The following GRID2 variants were observed in gnomAD, a reference collection of about 807,000 sequenced individuals.
GRID2 encodes the protein glutamate ionotropic receptor delta type subunit 2.
In GRID2, 33 loss-of-function variants were observed where a neutral mutation model predicts 114.8. The ratio of observed to expected loss-of-function variants is 0.29; its 90% confidence interval spans 0.22 to 0.38. The LOEUF (loss-of-function observed/expected upper bound fraction) is 0.38, where lower values mean the gene tolerates loss of function less well. GRID2 is among the 10% of genes least tolerant of loss of function. The probability of loss-of-function intolerance (pLI) is 1.00; values close to 1 mark genes in which losing one functional copy is unlikely to be tolerated. For synonymous variants in GRID2, 505 were observed against 449.9 expected (o/e 1.12, Z -1.55); for missense variants, 1,184 against 1,257.7 (o/e 0.94, Z 0.89).
At chr4:93,809,043 G>A (rs964894575) in exon 2 of GRID2, 1 of 152,126 alleles carries the variant, frequency 6.6e-6, no homozygotes, top group Non-Finnish European at 1.5e-5. Flanking sequence ...TTACTTCTCT[G>A]ATTTTTGATT....
intron 2 of GRID2, among the ~76,000 whole-genome samples, chr4:92,977,146 G>A (rs1318122073): frequency 6.6e-6 from 1 of 152,120 alleles, no homozygotes; most frequent in Non-Finnish European, 1.5e-5. Flanking sequence ...AATATATTTG[G>A]AAGATAATTA....
chr4:92,807,835 G>C (rs1378217049), intron 2 of GRID2, among the ~76,000 whole-genome samples: 1 of 151,956 alleles, frequency 6.6e-6, no homozygotes, highest in Non-Finnish European at 1.5e-5. Context: ...GTATGTGTCT[G>C]TCTATGTATT....
chr4:92,563,783 T>G (rs1727213113), intron 1 of GRID2, among the ~76,000 whole-genome samples: 1 of 152,098 alleles, frequency 6.6e-6, no homozygotes, highest in Non-Finnish European at 1.5e-5. Context: ...TTCTGTATCT[T>G]CCTTCTAGTT....
At chr4:92,384,480 T>TATATATATA (rs1560598769) in intron 1 of GRID2, among the ~76,000 whole-genome samples, 3 of 54,026 alleles carry the variant, frequency 5.6e-5, no homozygotes, top group Non-Finnish European at 9.5e-5. Context: ...ATATATATAT[T>TATATATATA]ATTTATATAT....
intron 13 of GRID2, among the ~76,000 whole-genome samples, chr4:93,611,983 A>G (rs1326741590): frequency 6.7e-6 from 1 of 148,986 alleles, no homozygotes; most frequent in East Asian, 2.0e-4. Flanking sequence ...GACTTGCTTT[A>G]TGAATCTGGG....
At chr4:92,639,326 A>T (rs1002882018) in intron 2 of GRID2, among the ~76,000 whole-genome samples, 1 of 151,876 alleles carries the variant, frequency 6.6e-6, no homozygotes, top group Non-Finnish European at 1.5e-5. Context: ...AAGATACATT[A>T]GGTCTCATAT....
At chr4:93,679,883 C>T (rs570615474) in intron 14 of GRID2, among the ~76,000 whole-genome samples, 1 of 150,868 alleles carries the variant, frequency 6.6e-6, no homozygotes, top group Non-Finnish European at 1.5e-5. Context: ...AAAGCAAGAG[C>T]AAACACATTC....
At chr4:92,956,775 A>T (rs1752439382) in intron 2 of GRID2, among the ~76,000 whole-genome samples, 1 of 152,206 alleles carries the variant, frequency 6.6e-6, no homozygotes, top group Non-Finnish European at 1.5e-5. Flanking sequence ...CCCAGTGGTA[A>T]TGAATGAAAG....
intron 4 of GRID2, among the ~76,000 whole-genome samples, chr4:93,113,572 G>A (rs1732970217): frequency 6.6e-6 from 1 of 152,198 alleles, no homozygotes; most frequent in South Asian, 2.1e-4. Context: ...CTAGGCACTA[G>A]CGATACAATG....
At chr4:92,438,960 G>A (rs577021958) in intron 1 of GRID2, among the ~76,000 whole-genome samples, 57 of 152,142 alleles carry the variant, frequency 3.7e-4, no homozygotes, top group Non-Finnish European at 6.3e-4. Context: ...CATTTCATGC[G>A]CGTCCCTGTG....
chr4:93,236,274 A>G (rs1017941001), intron 7 of GRID2, among the ~76,000 whole-genome samples: 1 of 152,030 alleles, frequency 6.6e-6, no homozygotes, highest in Non-Finnish European at 1.5e-5. Context: ...AATCAGGTAT[A>G]TTGCCCTTAT....
At chr4:92,873,336 A>G (rs1025211848) in intron 2 of GRID2, among the ~76,000 whole-genome samples, 5 of 152,146 alleles carry the variant, frequency 3.3e-5, no homozygotes, top group African/African-American at 1.2e-4. Flanking sequence ...AGCTAAATCA[A>G]GTGTCTTAAG....
chr4:93,336,506 A>G (rs1304085000), intron 8 of GRID2, among the ~76,000 whole-genome samples: 2 of 152,172 alleles, frequency 1.3e-5, no homozygotes, highest in Non-Finnish European at 2.9e-5. Context: ...TTCATCAAAC[A>G]TCATGGTATA....
intron 1 of GRID2, among the ~76,000 whole-genome samples, chr4:93,798,396 A>C (rs575682548): frequency 1.3e-5 from 2 of 152,184 alleles, no homozygotes; most frequent in Admixed American, 1.3e-4. Flanking sequence ...TTACTAGATA[A>C]CAAGTGTGGA....
intron 11 of GRID2, among the ~76,000 whole-genome samples, chr4:93,484,324 C>A (rs1453682623): frequency 6.6e-6 from 1 of 151,836 alleles, no homozygotes; most frequent in African/African-American, 2.4e-5. Flanking sequence ...ATTCATGTTG[C>A]TTGCTTGTGA....
chr4:93,425,558 A>G (rs1560606979), intron 10 of GRID2, among the ~76,000 whole-genome samples: 1 of 152,168 alleles, frequency 6.6e-6, no homozygotes. Context: ...TAGCACGTTT[A>G]GCCTTCTAGC....
chr4:93,506,120 G>A (rs1308960365), intron 12 of GRID2, among the ~76,000 whole-genome samples: 1 of 152,106 alleles, frequency 6.6e-6, no homozygotes, highest in Non-Finnish European at 1.5e-5. Context: ...TTAATGCAAG[G>A]GGATGTTCCC....
chr4:93,176,941 C>T (rs1739397695), intron 4 of GRID2, among the ~76,000 whole-genome samples: 1 of 152,104 alleles, frequency 6.6e-6, no homozygotes, highest in African/African-American at 2.4e-5. Context: ...AGAGGAGCCT[C>T]CTAAATTATG....
At chr4:92,935,378 G>A (rs1411744828) in intron 2 of GRID2, among the ~76,000 whole-genome samples, 1 of 146,682 alleles carries the variant, frequency 6.8e-6, no homozygotes, top group African/African-American at 2.4e-5. Flanking sequence ...TAAAATGTCA[G>A]GAAACAACAG....
Sources: allele counts gnomAD v4.1 joint callset (sites outside exome capture counted in the v4.1 genomes callset), GRCh38; gene constraint gnomAD v4.1.1; transcripts MANE v1.5; gene names NCBI Gene and HGNC (gene_info 2026-07-23, HGNC 2026-07-21).